The following STK32B variants were observed in gnomAD, a reference collection of about 807,000 sequenced individuals.
STK32B encodes serine/threonine-protein kinase 32B.
A neutral mutation model predicts 52.6 loss-of-function variants in STK32B; 43 were observed. That is an observed-to-expected ratio of 0.82 (90% confidence interval 0.64 to 1.05). The LOEUF (loss-of-function observed/expected upper bound fraction) is 1.05. Ranked by LOEUF, STK32B falls within the 50% of genes least tolerant of loss-of-function variation. The pLI, the probability that STK32B is intolerant of heterozygous loss-of-function variation, is 0.00. For synonymous variants in STK32B, 238 were observed against 204.3 expected, an observed-to-expected ratio of 1.17 and a Z score of -1.41; for missense variants, 621 against 534.6, an observed-to-expected ratio of 1.16 and a Z score of -1.59.
the STK32B span, among the ~76,000 whole-genome samples, chr4:5,044,070 T>C: frequency 2.6e-5 from 4 of 152,180 alleles, no homozygotes; most frequent in African/African-American, 7.2e-5. Flanking sequence ...TCTAGGCATT[T>C]AATTCTCACA....
At chr4:5,300,734 A>AG (rs1188445526) in intron 3 of STK32B, among the ~76,000 whole-genome samples, 3 of 152,200 alleles carry the variant, frequency 2.0e-5, no homozygotes, top group African/African-American at 7.2e-5. Flanking sequence ...CTAACCAAGG[A>AG]GGTGAAAGAT....
At chr4:5,474,160 G>T (rs141382117) in intron 11 of STK32B, among the ~76,000 whole-genome samples, 55 of 152,256 alleles carry the variant, frequency 3.6e-4, no homozygotes, top group African/African-American at 1.3e-3. Flanking sequence ...ATCTGCTTAG[G>T]TGGCCTCCCT....
chr4:5,175,578 G>A (rs996015031), intron 3 of STK32B, among the ~76,000 whole-genome samples: 8 of 152,294 alleles, frequency 5.3e-5, no homozygotes, highest in East Asian at 1.9e-4. Flanking sequence ...TCCAGACCCC[G>A]TTTCCCTGGG....
chr4:5,231,424 A>G (rs112975337), intron 3 of STK32B, among the ~76,000 whole-genome samples: 4,527 of 152,214 alleles, frequency 0.03, 197 homozygotes, highest in African/African-American at 0.097. Flanking sequence ...CAGCCTGGCC[A>G]ACGTGGCAAA....
At chr4:5,156,579 C>T (rs2108714834) in intron 2 of STK32B, among the ~76,000 whole-genome samples, 1 of 152,266 alleles carries the variant, frequency 6.6e-6, no homozygotes, top group East Asian at 1.9e-4. Flanking sequence ...GTCAGCAGGG[C>T]TTCGTTATTT....
At chr4:5,424,676 G>A (rs1053419388) in intron 6 of STK32B, among the ~76,000 whole-genome samples, 6 of 152,202 alleles carry the variant, frequency 3.9e-5, no homozygotes, top group Non-Finnish European at 5.9e-5. Context: ...ACCTCTTTGC[G>A]TTGCTTACCC....
At chr4:5,253,892 G>A (rs1726119794) in intron 3 of STK32B, among the ~76,000 whole-genome samples, 1 of 152,170 alleles carries the variant, frequency 6.6e-6, no homozygotes, top group Non-Finnish European at 1.5e-5. Flanking sequence ...TATGTAAAGT[G>A]CCAGGCAACA....
chr4:5,483,140 T>C (rs1337663746), intron 11 of STK32B, among the ~76,000 whole-genome samples: 3 of 152,036 alleles, frequency 2.0e-5, no homozygotes, highest in South Asian at 4.1e-4. Flanking sequence ...TTCTATTGAT[T>C]GGAATAGTTT....
At chr4:5,108,765 A>C (rs2108800496) in intron 1 of STK32B, among the ~76,000 whole-genome samples, 1 of 152,338 alleles carries the variant, frequency 6.6e-6, no homozygotes, top group Non-Finnish European at 1.5e-5. Flanking sequence ...AAAACCTGAA[A>C]TCTGCCGATG....
intron 4 of STK32B, among the ~76,000 whole-genome samples, chr4:5,397,665 T>C (rs1737006008): frequency 6.6e-6 from 1 of 152,232 alleles, no homozygotes; most frequent in Non-Finnish European, 1.5e-5. Context: ...TGTACGTGTA[T>C]ATGTTGTTTT....
chr4:5,465,602 G>A (rs988238672), intron 9 of STK32B, among the ~76,000 whole-genome samples: 17 of 152,182 alleles, frequency 1.1e-4, no homozygotes, highest in Non-Finnish European at 1.2e-4. Context: ...GGCATCCACC[G>A]TTCTGGAAGC....
chr4:5,383,152 G>A (rs1736036595), intron 4 of STK32B, among the ~76,000 whole-genome samples: 1 of 152,206 alleles, frequency 6.6e-6, no homozygotes, highest in South Asian at 2.1e-4. Context: ...GTCAGCCGTG[G>A]GTAGGTGAGT....
intron 2 of STK32B, among the ~76,000 whole-genome samples, chr4:5,163,345 C>G (rs750443656): frequency 6.6e-6 from 1 of 152,100 alleles, no homozygotes; most frequent in Non-Finnish European, 1.5e-5. Flanking sequence ...TGTGTCAAGC[C>G]TTACAGTAGA....
chr4:5,384,151 G>C (rs560735004), intron 4 of STK32B, among the ~76,000 whole-genome samples: 2 of 152,208 alleles, frequency 1.3e-5, no homozygotes, highest in African/African-American at 2.4e-5. Context: ...GAGGATGGAG[G>C]GGGTAGGCCC....
intron 4 of STK32B, among the ~76,000 whole-genome samples, chr4:5,355,815 A>G (rs893492412): frequency 6.6e-6 from 1 of 152,194 alleles, no homozygotes; most frequent in African/African-American, 2.4e-5. Flanking sequence ...CAGCTATGCA[A>G]CCTCTCAACT....
chr4:5,322,948 A>G (rs1389140310), intron 3 of STK32B, among the ~76,000 whole-genome samples: 1 of 152,140 alleles, frequency 6.6e-6, no homozygotes, highest in African/African-American at 2.4e-5. Context: ...TGAGTACATG[A>G]CATGCTTTCC....
In STK32B at chr4:5,395,475, A is replaced by G. The variant is rs943390833; in HGVS notation, c.435-2732A>G. ...TTCTTAAAGGTCTTCCTGACCATCT[A>G]CCAAAACTAGGGTCCCTCTATTAGT... is the stretch of plus-strand genomic sequence containing the variant. On this transcript the variant is annotated intron_variant, in intron 4 of 11. Transcript: ENST00000282908. The surrounding 1 kb of genome is among the most constrained non-coding windows in gnomAD (Gnocchi z 4.4). 1.3e-5 allele frequency among the ~76,000 whole-genome samples: 2 copies of G among 152,170 alleles called. No individual in the cohort carries two copies. The highest frequency in any genetic ancestry group is 4.8e-5 in the African/African-American group (2 of 41,442).
At chr4:5,176,365 G>A (rs984486611) in intron 3 of STK32B, among the ~76,000 whole-genome samples, 9 of 151,570 alleles carry the variant, frequency 5.9e-5, no homozygotes, top group African/African-American at 1.5e-4. Context: ...AGTTCGAAAT[G>A]CAGAAATCAC....
At chr4:5,141,707 A>T (rs769048896) in intron 2 of STK32B, among the ~76,000 whole-genome samples, 1 of 151,980 alleles carries the variant, frequency 6.6e-6, no homozygotes, top group Non-Finnish European at 1.5e-5. Flanking sequence ...CAGATTTTGG[A>T]TATATTTTGA....
Sources: gnomAD v4.1 joint callset for allele counts (sites outside exome capture counted in the v4.1 genomes callset) on GRCh38, gnomAD v4.1.1 for gene constraint, Gnocchi (gnomAD v3.1) non-coding constraint, MANE v1.5 for transcripts, NCBI Gene and HGNC (gene_info 2026-07-23, HGNC 2026-07-21) for gene names.